MTA3: variants seen among roughly 807,000 people sequenced by gnomAD.
MTA3 encodes the protein metastasis-associated protein MTA3.
In MTA3, 34 loss-of-function variants were observed where a neutral mutation model predicts 83.5. The ratio of observed to expected loss-of-function variants is 0.41; its 90% CI spans 0.31 to 0.54. The LOEUF (loss-of-function observed/expected upper bound fraction) is 0.54. MTA3 is among the 20% of genes least tolerant of loss of function. The pLI, the probability that MTA3 is intolerant of heterozygous loss-of-function variation, is 0.33. For missense variants in MTA3, 761 were observed against 726.4 expected, an observed-to-expected ratio of 1.05 and a Z score of -0.55; for synonymous variants, 303 against 252.7, an observed-to-expected ratio of 1.20 and a Z score of -1.89.
At chr2:42,499,972 AAGAG>A (rs568945025) in intron 2 of MTA3, among the ~76,000 whole-genome samples, 2,730 of 151,500 alleles carry the variant, frequency 0.018, 28 homozygotes, top group Non-Finnish European at 0.028. Context: ...AAAAAAAAAA[AAGAG>A]AGAGAGAGAT....
intron 4 of MTA3, among the ~76,000 whole-genome samples, chr2:42,610,818 A>AC (rs1206193165): frequency 6.6e-6 from 1 of 152,094 alleles, no homozygotes; most frequent in Admixed American, 6.6e-5. Flanking sequence ...GACCAGGGTA[A>AC]GGATGTGTGA....
intron 16 of MTA3, among the ~76,000 whole-genome samples, chr2:42,723,502 A>G (rs1231666241): frequency 6.6e-6 from 1 of 152,182 alleles, no homozygotes; most frequent in Non-Finnish European, 1.5e-5. Context: ...GCTACATGTC[A>G]TGAAAGGAAT....
rs140598138 is a variant in MTA3 at position 42,699,101 on chromosome 2, G to A, written c.1025+1267G>A. Among the ~76,000 whole-genome samples, 388 of 152,270 alleles carry A rather than the reference G, an allele frequency of 2.5e-3. 1 individual carries two copies. Among genetic ancestry groups the A allele is most frequent in the African/African-American group, 8.9e-3 (368 of 41,564 alleles). On this transcript the variant is annotated intron_variant, in intron 11 of 16. Coordinates refer to ENST00000405094, the MANE Select transcript of MTA3 (RefSeq NM_001330442.2). The stretch of plus-strand genomic sequence containing the variant: ...GATAATTGTTTCCATTTGGCTTTAC[G>A]CTGACTTTGGAGTCAATGTAATCTA...
At chr2:42,511,368 A>AC (rs1050197418) in intron 2 of MTA3, among the ~76,000 whole-genome samples, 5 of 151,650 alleles carry the variant, frequency 3.3e-5, no homozygotes, top group African/African-American at 9.7e-5. Flanking sequence ...AAAAAAAAAA[A>AC]CCTCAGGCAT....
intron 15 of MTA3, 123 bp downstream of exon 15, chr2:42,719,197 C>G (rs1573747667): frequency 6.1e-6 from 4 of 650,954 alleles, no homozygotes; most frequent in East Asian, 5.5e-5. Flanking sequence ...AATTGGATAC[C>G]TTTATATAGT....
At chr2:42,611,315 T>C (rs1242257118) in intron 4 of MTA3, among the ~76,000 whole-genome samples, 1 of 56,540 alleles carries the variant, frequency 1.8e-5, no homozygotes, top group African/African-American at 9.8e-5. Context: ...CTCTGGTACT[T>C]AACACATACA....
intron 2 of MTA3, among the ~76,000 whole-genome samples, chr2:42,546,439 G>A (rs181851617): frequency 2.0e-5 from 3 of 152,256 alleles, no homozygotes; most frequent in African/African-American, 4.8e-5. Context: ...AGTAAAATGT[G>A]TATAATCAAA....
At chr2:42,747,106 A>G (rs1473224036) in intron 16 of MTA3, among the ~76,000 whole-genome samples, 1 of 151,446 alleles carries the variant, frequency 6.6e-6, no homozygotes, top group Non-Finnish European at 1.5e-5. Context: ...GGTTCGAGCG[A>G]TTCTCCTGTC....
Position 42,756,417 on chromosome 2 carries a change from C to T in MTA3, c.*3018C>T, listed in dbSNP as rs373823285. ...TGGGAGCCTGGGACAGGCGACCCAC[C>T]GGGTCAGTCCCCTGCCACTCAGAGC... is the stretch of plus-strand genomic sequence containing the variant. On this transcript the variant is annotated 3_prime_UTR_variant, in exon 17 of 17. Coordinates refer to ENST00000405094, the MANE Select transcript of MTA3 (RefSeq NM_001330442.2). The T allele has an allele frequency of 1.6e-5, 16 of 972,406 alleles. No homozygotes were observed. The South Asian group carries it at 1.9e-4, about 12-fold the overall frequency. 60.2% of individuals were successfully genotyped at this position (972,406 alleles called of 1,614,324 possible).
rs145973459 is a variant in MTA3, at chr2:42,749,493, A to G, written c.1760-3881A>G. 1.6e-3 allele frequency among the ~76,000 whole-genome samples: 240 copies of G among 152,240 alleles called. 4 individuals are homozygous for G. The East Asian group carries it at 0.027, about 17-fold the overall frequency. On this transcript the variant is annotated intron_variant, in intron 16 of 16. Coordinates refer to ENST00000405094, the MANE Select transcript of MTA3 (RefSeq NM_001330442.2). Reference sequence around the variant, plus strand: ...TTATTTTATTGTATTTTTGAGACAGAGTCTTGCTCTGTCACCCGTGCTGGA... The same window carrying G: ...TTATTTTATTGTATTTTTGAGACAGGGTCTTGCTCTGTCACCCGTGCTGGA...
chr2:42,738,139 G>A (rs1668743515), intron 16 of MTA3, among the ~76,000 whole-genome samples: 2 of 152,140 alleles, frequency 1.3e-5, no homozygotes, highest in African/African-American at 4.8e-5. Context: ...GCATGTGCCT[G>A]TAGTCCCAGC....
intron 8 of MTA3, among the ~76,000 whole-genome samples, chr2:42,674,223 C>A (rs1387856456): frequency 6.6e-6 from 1 of 152,232 alleles, no homozygotes; most frequent in Non-Finnish European, 1.5e-5. Flanking sequence ...CCAAGCCCAA[C>A]ATCAGTGGAG....
Position 42,623,512 on chromosome 2 carries a change from C to G in MTA3, c.317+13928C>G, listed in dbSNP as rs533665593. 1.2e-4 allele frequency among the ~76,000 whole-genome samples: 18 copies of G among 152,230 alleles called. No individual in the cohort carries two copies. The South Asian group carries it at 3.7e-3, about 32-fold the overall frequency. Reference sequence around the variant, plus strand: ...TCTCCTAGCTTGCAAGCTTGGGAATCCAGCACAACAGGTGGCCACAGCAGG... The same window carrying G: ...TCTCCTAGCTTGCAAGCTTGGGAATGCAGCACAACAGGTGGCCACAGCAGG... On this transcript the variant is annotated intron_variant, in intron 4 of 16. Coordinates refer to ENST00000405094, the MANE Select transcript of MTA3 (RefSeq NM_001330442.2).
At chr2:42,679,838 T>G (rs567201100) in intron 8 of MTA3, among the ~76,000 whole-genome samples, 13 of 140,942 alleles carry the variant, frequency 9.2e-5, no homozygotes, top group South Asian at 6.6e-4. Flanking sequence ...TGGCTGTGTG[T>G]TGTTTTTTTT....
At chr2:42,607,100 A>G (rs7563068) in intron 3 of MTA3, among the ~76,000 whole-genome samples, 305 of 12,724 alleles carry the variant, frequency 0.024, 8 homozygotes, top group Middle Eastern at 0.091. Context: ...GTAGGGGTAG[A>G]GGTAGAGGTA....
At chr2:42,544,316 C>T (rs954195828) in intron 2 of MTA3, among the ~76,000 whole-genome samples, 1 of 151,690 alleles carries the variant, frequency 6.6e-6, no homozygotes, top group African/African-American at 2.4e-5. Context: ...CATGGTGGCA[C>T]GTGCCTATAG....
At chr2:42,717,067 A>G (rs1230053331) in intron 14 of MTA3, among the ~76,000 whole-genome samples, 7 of 151,620 alleles carry the variant, frequency 4.6e-5, no homozygotes, top group Admixed American at 4.6e-4. Flanking sequence ...TTTTAACCAC[A>G]ATGAGAATTT....
intron 16 of MTA3, among the ~76,000 whole-genome samples, chr2:42,743,092 G>A (rs531144017): frequency 4.5e-4 from 68 of 152,322 alleles, no homozygotes; most frequent in African/African-American, 1.6e-3. Flanking sequence ...CCTTGAGACA[G>A]TAGAATCTTA....
At chr2:42,605,717 A>AC (rs1171095191) in intron 3 of MTA3, among the ~76,000 whole-genome samples, 3 of 102,562 alleles carry the variant, frequency 2.9e-5, no homozygotes, top group East Asian at 3.1e-4. Flanking sequence ...CGGGGGGCCG[A>AC]CCCCCCCACC....
Sources: gnomAD v4.1 joint callset for allele counts (sites outside exome capture counted in the v4.1 genomes callset) on GRCh38, gnomAD v4.1.1 for gene constraint, MANE v1.5 for transcripts, NCBI Gene and HGNC (gene_info 2026-07-23, HGNC 2026-07-21) for gene names.